Variants in ROR1 observed in about 807,000 individuals in gnomAD.
ROR1 encodes ROR family WNT receptor 1.
Under a neutral mutation model 78.8 loss-of-function variants are expected in ROR1, and 19 were observed. The observed-to-expected ratio is 0.24, with a 90% confidence interval of 0.17 to 0.35. The LOEUF (loss-of-function observed/expected upper bound fraction) is 0.35. Ranked by LOEUF, ROR1 falls within the 10% of genes least tolerant of loss-of-function variation. The pLI, the probability that ROR1 is intolerant of heterozygous loss-of-function variation, is 1.00. For missense variants in ROR1, 917 were observed against 1,177.8 expected (o/e 0.78, Z 3.24); for synonymous variants, 386 against 433.6 (o/e 0.89, Z 1.36).
chr1:63,956,107 G>A lies in ROR1; in HGVS notation c.92-53198G>A, dbSNP rs1645980361. ...TAGAGCATGTGCAGTCTGGAGATCAGATGAGATGGGTTTGAGGCCTCTGAG... is the reference window on the plus strand; with the variant it reads ...TAGAGCATGTGCAGTCTGGAGATCAAATGAGATGGGTTTGAGGCCTCTGAG... On this transcript the variant is annotated intron_variant, in intron 1 of 8. Coordinates refer to ENST00000371079, the MANE Select transcript of ROR1 (RefSeq NM_005012.4). 2.0e-5 allele frequency among the ~76,000 whole-genome samples: 3 copies of A among 152,160 alleles called. No individual in the cohort carries two copies. The South Asian group carries it at 6.2e-4, about 32-fold the overall frequency.
chr1:63,928,277 C>T (rs987019211), intron 1 of ROR1, among the ~76,000 whole-genome samples: 5 of 152,112 alleles, frequency 3.3e-5, no homozygotes, highest in South Asian at 2.1e-4. Context: ...CTGGCATGTG[C>T]TCTTCTCCAA....
chr1:63,969,146 A>G (rs541949795), intron 1 of ROR1, among the ~76,000 whole-genome samples: 1 of 152,130 alleles, frequency 6.6e-6, no homozygotes, highest in Non-Finnish European at 1.5e-5. Context: ...CACTCACAAA[A>G]TATTTACTGA....
chr1:64,098,221 C>A (rs1647376724), intron 4 of ROR1, among the ~76,000 whole-genome samples: 1 of 152,098 alleles, frequency 6.6e-6, no homozygotes, highest in Admixed American at 6.6e-5. Context: ...GGGTGAAAGA[C>A]CCTTATCACA....
At chr1:63,980,682 C>G (rs1050495665) in intron 1 of ROR1, among the ~76,000 whole-genome samples, 4 of 152,204 alleles carry the variant, frequency 2.6e-5, no homozygotes, top group African/African-American at 4.8e-5. Context: ...ACAGGCATCT[C>G]AATGGTTTAT....
intron 1 of ROR1, among the ~76,000 whole-genome samples, chr1:63,960,955 A>G (rs760637076): frequency 6.6e-6 from 1 of 152,200 alleles, no homozygotes; most frequent in Non-Finnish European, 1.5e-5. Context: ...TAACATGACT[A>G]TGACAACAGC....
At chr1:63,945,606 CT>C (rs1298830253) in intron 1 of ROR1, among the ~76,000 whole-genome samples, 1 of 152,154 alleles carries the variant, frequency 6.6e-6, no homozygotes, top group Non-Finnish European at 1.5e-5. Context: ...CTCTCCCTCC[CT>C]TTTATACCTT....
chr1:63,858,568 CT>C (rs1645162039), intron 1 of ROR1, among the ~76,000 whole-genome samples: 1 of 152,198 alleles, frequency 6.6e-6, no homozygotes, highest in African/African-American at 2.4e-5. Flanking sequence ...AAAGTGTAAA[CT>C]GTGTTGCTTC....
At chr1:63,988,961 C>T (rs939066696) in intron 1 of ROR1, among the ~76,000 whole-genome samples, 3 of 152,104 alleles carry the variant, frequency 2.0e-5, no homozygotes, top group African/African-American at 4.8e-5. Context: ...ATATTTGAGT[C>T]CCTACTTTCA....
intron 1 of ROR1, among the ~76,000 whole-genome samples, chr1:64,008,737 C>T (rs1169807532): frequency 2.6e-5 from 4 of 152,076 alleles, no homozygotes; most frequent in African/African-American, 7.2e-5. Context: ...CAGGTTCAAG[C>T]GATTCTCCTG....
intron 2 of ROR1, chr1:64,028,818 T>A (rs1351439036): frequency 4.6e-5 from 7 of 152,242 alleles, no homozygotes; most frequent in African/African-American, 7.2e-5. Flanking sequence ...TTTAGTTATT[T>A]AAAATGTACA....
chr1:64,055,321 C>T (rs1461127979), intron 4 of ROR1, among the ~76,000 whole-genome samples: 1 of 152,230 alleles, frequency 6.6e-6, no homozygotes, highest in Non-Finnish European at 1.5e-5. Context: ...TGCATTCAAA[C>T]TGAGAGAAGA....
chr1:63,963,436 G>A (rs1487107030), intron 1 of ROR1, among the ~76,000 whole-genome samples: 1 of 151,928 alleles, frequency 6.6e-6, no homozygotes, highest in Non-Finnish European at 1.5e-5. Flanking sequence ...AGGCATGGTG[G>A]TGCACACCTG....
At chr1:63,802,067 G>A (rs1473947443) in intron 1 of ROR1, among the ~76,000 whole-genome samples, 3 of 152,116 alleles carry the variant, frequency 2.0e-5, no homozygotes, top group African/African-American at 7.2e-5. Flanking sequence ...GAGGGGAGGA[G>A]GTTATTTTTA....
intron 1 of ROR1, among the ~76,000 whole-genome samples, chr1:63,828,216 G>A (rs917904720): frequency 6.6e-6 from 1 of 152,090 alleles, no homozygotes; most frequent in Admixed American, 6.6e-5. Flanking sequence ...AATTAGTAGC[G>A]GTTTTTCTAA....
At chr1:63,859,879 A>G (rs1645169481) in intron 1 of ROR1, among the ~76,000 whole-genome samples, 1 of 152,218 alleles carries the variant, frequency 6.6e-6, no homozygotes, top group Non-Finnish European at 1.5e-5. Flanking sequence ...GTCATTGTTA[A>G]TTAGGCCCTG....
chr1:64,010,700 G>C (rs1379462037), intron 2 of ROR1, among the ~76,000 whole-genome samples: 1 of 152,132 alleles, frequency 6.6e-6, no homozygotes, highest in African/African-American at 2.4e-5. Context: ...ATCCCTACGT[G>C]TTGTGAGAGG....
At chr1:63,981,064 AC>A (rs1286176822) in intron 1 of ROR1, among the ~76,000 whole-genome samples, 4 of 151,842 alleles carry the variant, frequency 2.6e-5, no homozygotes, top group Non-Finnish European at 5.9e-5. Context: ...GATTGGAGAA[AC>A]CTGAATCAGT....
At chr1:64,139,533 C>T (rs991511395) in intron 5 of ROR1, among the ~76,000 whole-genome samples, 6 of 152,148 alleles carry the variant, frequency 3.9e-5, no homozygotes, top group Admixed American at 1.3e-4. Flanking sequence ...CACTAATATT[C>T]GATGATACAC....
Position 64,178,529 on chromosome 1 carries a change from G to C in ROR1, c.2488G>C (p.Ala830Pro). ...ATACCCAATACCTCCTGGATATGCA[G>C]CGTTTCCAGCTGCCCACTACCAGCC... ...NGYPIPPGYA[A>P]FPAAHYQPTG... Residue 830 changes from alanine (A) to proline (P), a missense_variant, in exon 9 of 9, where the codon GCG becomes CCG. By Grantham distance (27) the Ala-to-Pro change is conservative (BLOSUM62 -1). Coordinates refer to ENST00000371079, the MANE Select transcript of ROR1 (RefSeq NM_005012.4). This position sits in a 1 kb window ranked among gnomAD's most constrained non-coding sequence, Gnocchi z 4.3. 1 of 1,614,190 alleles carries C rather than the reference G, an allele frequency of 6.2e-7. No homozygotes were observed. Among genetic ancestry groups the C allele is most frequent in the East Asian group, 2.2e-5 (1 of 44,870 alleles).
Sources: allele counts gnomAD v4.1 joint callset (sites outside exome capture counted in the v4.1 genomes callset), GRCh38; gene constraint gnomAD v4.1.1; non-coding constraint Gnocchi (gnomAD v3.1); transcripts MANE v1.5; gene names NCBI Gene and HGNC (gene_info 2026-07-23, HGNC 2026-07-21).